Variants in GPR158 observed in about 807,000 individuals in gnomAD.
GPR158 encodes the protein G protein-coupled receptor 158.
In GPR158, 30 loss-of-function variants were observed where a neutral mutation model predicts 78.2. The observed-to-expected ratio is 0.38, with a 90% confidence interval of 0.29 to 0.52. The LOEUF is 0.52. GPR158 is among the 20% of genes least tolerant of loss of function. The probability of loss-of-function intolerance (pLI) is 0.83; values close to 1 mark genes in which losing one functional copy is unlikely to be tolerated. For synonymous variants in GPR158, 581 were observed against 591.1 expected, an observed-to-expected ratio of 0.98 and a Z score of 0.25; for missense variants, 1,463 against 1,523.5, an observed-to-expected ratio of 0.96 and a Z score of 0.66.
Position 25,522,352 on chromosome 10 carries a change from A to C in GPR158, c.1405-28624A>C, listed in dbSNP as rs960644394. Among the ~76,000 whole-genome samples the C allele has an allele frequency of 2.0e-5, 3 of 152,334 alleles. No individual in the cohort carries two copies. In the East Asian group the frequency reaches 5.8e-4, roughly 29 times the overall value. ...ATCGCCTGCTTTTAAAAAGCTCTGGACATCCATCTGAGTCCTGTTTTCAAG... is the reference window on the plus strand; with the variant it reads ...ATCGCCTGCTTTTAAAAAGCTCTGGCCATCCATCTGAGTCCTGTTTTCAAG... On this transcript the variant is annotated intron_variant, in intron 5 of 10. Coordinates refer to ENST00000376351, the MANE Select transcript of GPR158 (RefSeq NM_020752.3).
intron 2 of GPR158, among the ~76,000 whole-genome samples, chr10:25,294,785 G>A: frequency 9.7e-6 from 1 of 103,050 alleles, no homozygotes; most frequent in Non-Finnish European, 2.2e-5. Context: ...CTTAGGCATT[G>A]ATACTCTGTT....
At chr10:25,471,595 C>G (rs1835504345) in intron 5 of GPR158, among the ~76,000 whole-genome samples, 1 of 152,178 alleles carries the variant, frequency 6.6e-6, no homozygotes, top group Non-Finnish European at 1.5e-5. Flanking sequence ...AAAAGTGTTC[C>G]TATTTCTCCA....
At chr10:25,348,396 G>GACACACACACAC (rs34088676) in intron 2 of GPR158, among the ~76,000 whole-genome samples, 10 of 141,788 alleles carry the variant, frequency 7.1e-5, no homozygotes, top group South Asian at 2.3e-4. Flanking sequence ...TAGGAAGAAA[G>GACACACACACAC]ACACACACAC....
chr10:25,422,790 T>C (rs972663865), intron 4 of GPR158, among the ~76,000 whole-genome samples: 5 of 151,868 alleles, frequency 3.3e-5, no homozygotes, highest in African/African-American at 1.2e-4. Context: ...TCTGAGATTT[T>C]GGTGCACCCA....
chr10:25,591,153 A>G (rs1307290645), intron 8 of GPR158, among the ~76,000 whole-genome samples: 5 of 152,140 alleles, frequency 3.3e-5, no homozygotes, highest in African/African-American at 1.2e-4. Flanking sequence ...GTGTGTTTGT[A>G]TATTTATGAT....
At chr10:25,266,186 A>G (rs1031111713) in intron 2 of GPR158, among the ~76,000 whole-genome samples, 3 of 152,136 alleles carry the variant, frequency 2.0e-5, no homozygotes, top group African/African-American at 7.2e-5. Flanking sequence ...TTTCTTTGTT[A>G]GAGGTTTTCA....
At chr10:25,189,833 CATGTGT>C (rs1363125252) in intron 1 of GPR158, among the ~76,000 whole-genome samples, 7 of 105,708 alleles carry the variant, frequency 6.6e-5, no homozygotes, top group East Asian at 2.5e-4. Flanking sequence ...GAAAGGAAAG[CATGTGT>C]GTGTGTGTGT....
chr10:25,481,999 T>C (rs1296305193), intron 5 of GPR158, among the ~76,000 whole-genome samples: 1 of 152,130 alleles, frequency 6.6e-6, no homozygotes, highest in African/African-American at 2.4e-5. Context: ...TTTCAGGCTG[T>C]GTTATAATCT....
chr10:25,293,558 A>C (rs1854469707), intron 2 of GPR158, among the ~76,000 whole-genome samples: 1 of 152,126 alleles, frequency 6.6e-6, no homozygotes, highest in Non-Finnish European at 1.5e-5. Context: ...ATAACGACCA[A>C]ATTTTCTTCC....
intron 2 of GPR158, among the ~76,000 whole-genome samples, chr10:25,369,119 A>G (rs2130545870): frequency 6.6e-6 from 1 of 151,784 alleles, no homozygotes; most frequent in East Asian, 2.0e-4. Flanking sequence ...GCAAACAGGG[A>G]CAATTTGTCT....
intron 1 of GPR158, among the ~76,000 whole-genome samples, chr10:25,209,524 T>G (rs1588736155): frequency 6.6e-6 from 1 of 152,190 alleles, no homozygotes; most frequent in East Asian, 1.9e-4. Flanking sequence ...GCATCTGCAC[T>G]ACCACCTAGC....
At chr10:25,468,513 C>G (rs539145161) in intron 5 of GPR158, among the ~76,000 whole-genome samples, 1 of 152,230 alleles carries the variant, frequency 6.6e-6, no homozygotes, top group South Asian at 2.1e-4. Flanking sequence ...GGTATGTATG[C>G]GTAATATATA....
At chr10:25,370,439 C>T (rs1180544791) in intron 2 of GPR158, among the ~76,000 whole-genome samples, 8 of 52,868 alleles carry the variant, frequency 1.5e-4, no homozygotes, top group African/African-American at 6.6e-4. Context: ...AGTAGTCATT[C>T]AGGATCAGGT....
rs147110255 is a variant in GPR158 at position 25,599,081 on chromosome 10, G to A, written c.3455G>A (p.Arg1152His). 42 of 1,613,324 alleles carry A rather than the reference G, an allele frequency of 2.6e-5. No individual in the cohort carries two copies. The highest frequency in any genetic ancestry group is 1.6e-4 in the African/African-American group (12 of 75,018). The change falls in exon 11 of 11, where the codon CGT becomes CAT. Residue 1152 changes from arginine (R) to histidine (H), a missense_variant. Transcript: ENST00000376351. The stretch of plus-strand genomic sequence containing the variant: ...ACATCTTCTTCTGAGGAGAATGTGC[G>A]TGGCTCCTATAACTCAAGTAATAAC... ...KKTSSSEENV[R>H]GSYNSSNNFQ...
chr10:25,229,892 GTA>G (rs1444177667), intron 2 of GPR158, among the ~76,000 whole-genome samples: 2 of 152,294 alleles, frequency 1.3e-5, no homozygotes, highest in African/African-American at 4.8e-5. Context: ...ATCCTTCTCA[GTA>G]GGAGAGGAAT....
intron 2 of GPR158, among the ~76,000 whole-genome samples, chr10:25,246,725 A>C (rs768489545): frequency 6.6e-6 from 1 of 152,224 alleles, no homozygotes. Flanking sequence ...AAAGCAATTA[A>C]TAATGACTCC....
At chr10:25,468,761 G>C (rs1001291266) in intron 5 of GPR158, among the ~76,000 whole-genome samples, 4 of 152,208 alleles carry the variant, frequency 2.6e-5, no homozygotes, top group Non-Finnish European at 5.9e-5. Context: ...CTTACGTTCA[G>C]TGGTTATTGT....
chr10:25,517,356 C>A (rs1836192628), intron 5 of GPR158, among the ~76,000 whole-genome samples: 1 of 152,008 alleles, frequency 6.6e-6, no homozygotes, highest in Non-Finnish European at 1.5e-5. Flanking sequence ...AACTGAATAC[C>A]CTTTATTTCC....
chr10:25,588,611 T>C (rs1001488578), intron 7 of GPR158, among the ~76,000 whole-genome samples: 6 of 152,254 alleles, frequency 3.9e-5, no homozygotes, highest in African/African-American at 1.4e-4. Flanking sequence ...ATAAACATGT[T>C]CTAAACTTTT....
Sources: gnomAD v4.1 joint callset for allele counts (sites outside exome capture counted in the v4.1 genomes callset) on GRCh38, gnomAD v4.1.1 for gene constraint, MANE v1.5 for transcripts, NCBI Gene and HGNC (gene_info 2026-07-23, HGNC 2026-07-21) for gene names.